PSMB5: variants seen among roughly 807,000 people sequenced by gnomAD.
PSMB5 encodes proteasome subunit beta type-5.
Under a neutral mutation model 22.8 loss-of-function variants are expected in PSMB5, and 2 were observed. The observed-to-expected ratio is 0.09, with a 90% CI of 0.04 to 0.28. The LOEUF (loss-of-function observed/expected upper bound fraction) is 0.28. Ranked by LOEUF, PSMB5 falls within the 10% of genes least tolerant of loss-of-function variation. The pLI is 1.00. For synonymous variants in PSMB5, 133 were observed against 135.3 expected (o/e 0.98, Z 0.12); for missense variants, 269 against 343.8 (o/e 0.78, Z 1.72).
At chr14:23,031,114 G>A (rs2046949937) in intron 2 of PSMB5, among the ~76,000 whole-genome samples, 1 of 152,110 alleles carries the variant, frequency 6.6e-6, no homozygotes, top group Non-Finnish European at 1.5e-5. Context: ...CACAATGAAT[G>A]GGACAGGGTC....
Position 23,033,982 on chromosome 14 carries a change from G to A in PSMB5, c.199-308C>T, listed in dbSNP as rs371349273. Among the ~76,000 whole-genome samples, 12 of 152,230 alleles carry A rather than the reference G, an allele frequency of 7.9e-5. No individual in the cohort carries two copies. The East Asian group carries it at 2.3e-3, about 29-fold the overall frequency. ...GGCCAGGTGCTGGAGACCAGCCTGGGCAACACAGGGAGATCCATCTCTACA... is the reference window on the plus strand; with the variant it reads ...GGCCAGGTGCTGGAGACCAGCCTGGACAACACAGGGAGATCCATCTCTACA... On this transcript the variant is annotated intron_variant, in intron 1 of 2. Coordinates refer to ENST00000361611, the MANE Select transcript of PSMB5 (RefSeq NM_002797.5).
rs1301699863 is a variant in PSMB5, at chr14:23,025,890, A to C, written c.*199T>G. ...GAGTAGTGTAATGTTAACATCCAAG[A>C]AAGTAAAACAAATAGTCACCTCTGC... is the stretch of plus-strand genomic sequence containing the variant. On this transcript the variant is annotated 3_prime_UTR_variant, in exon 3 of 3. Coordinates refer to ENST00000361611, the MANE Select transcript of PSMB5 (RefSeq NM_002797.5). 7.0e-7 allele frequency: 1 copy of C among 1,425,464 alleles called. No homozygotes were observed. 88.3% of individuals were successfully genotyped at this position (1,425,464 alleles called of 1,614,324 possible). A position where few individuals can be genotyped will look rare whatever the true frequency, so the allele number is the denominator to read the frequency against.
At chr14:23,028,097 C>A (rs1164379507) in intron 2 of PSMB5, among the ~76,000 whole-genome samples, 3 of 152,124 alleles carry the variant, frequency 2.0e-5, no homozygotes, top group African/African-American at 7.2e-5. Flanking sequence ...GAGCCGAGAT[C>A]GCACCACTGC....
At chr14:23,026,471 TG>T (rs2046914639) in intron 2 of PSMB5, 96 bp from the exon 3 acceptor site, 8 of 1,493,236 alleles carry the variant, frequency 5.4e-6, no homozygotes, top group Non-Finnish European at 5.3e-6. Flanking sequence ...TTTTTTGAGA[TG>T]GAGTTTTGCT....
chr14:23,031,940 T>C (rs1566715428), intron 2 of PSMB5, among the ~76,000 whole-genome samples: 1 of 151,224 alleles, frequency 6.6e-6, no homozygotes, highest in Non-Finnish European at 1.5e-5. Context: ...AATACAAAAA[T>C]TAGACGCGCA....
intron 1 of PSMB5, among the ~76,000 whole-genome samples, chr14:23,034,136 A>C (rs1057366871): frequency 3.9e-4 from 59 of 152,116 alleles, no homozygotes; most frequent in Admixed American, 1.6e-3. Flanking sequence ...AAAAAAAAAA[A>C]AAAAACAAAT....
intron 2 of PSMB5, among the ~76,000 whole-genome samples, chr14:23,031,190 T>C (rs2046950358): frequency 6.6e-6 from 1 of 152,194 alleles, no homozygotes; most frequent in Non-Finnish European, 1.5e-5. Flanking sequence ...TTTTCCTTGT[T>C]ACCCGGTCCC....
intron 2 of PSMB5, 90 bp downstream of exon 2, chr14:23,033,278 T>C (rs2046966992): frequency 4.4e-6 from 6 of 1,359,710 alleles, no homozygotes; most frequent in Admixed American, 4.0e-5. Flanking sequence ...TTCTTCAGCA[T>C]TGACACCAAG....
At chr14:23,026,501 G>T in intron 2 of PSMB5, 126 bp from the exon 3 acceptor site, 1 of 1,311,106 alleles carries the variant, frequency 7.6e-7, no homozygotes, top group Non-Finnish European at 1.0e-6. Flanking sequence ...CCAAGCTAGA[G>T]TGCAATGGCG....
At position 23,027,742 on chromosome 14, in the gene PSMB5, T is replaced by C. The variant is rs904811008; in HGVS notation, c.506-1367A>G. On this transcript the variant is annotated intron_variant, in intron 2 of 2. Transcript: ENST00000361611. ...CCATCTCACCTTATATTATAATAAC[T>C]ACCTTGCCATGTTGCCGATCCTCTC... The C allele has an allele frequency of 6.5e-6, 10 of 1,539,574 alleles. No individual in the cohort carries two copies. The Admixed American group carries it at 2.0e-4, about 30-fold the overall frequency.
intron 2 of PSMB5, 130 bp from the exon 3 acceptor site, chr14:23,026,505 A>G (rs2046914744): frequency 3.1e-6 from 4 of 1,291,060 alleles, no homozygotes; most frequent in Non-Finnish European, 4.2e-6. Flanking sequence ...GCTAGAGTGC[A>G]ATGGCGCAAT....
chr14:23,033,250 C>T, intron 2 of PSMB5, 118 bp downstream of exon 2: 1 of 1,063,638 alleles, frequency 9.4e-7, no homozygotes, highest in Non-Finnish European at 1.4e-6. Context: ...GAAGGAAGGG[C>T]TAAGGACCTA....
In PSMB5 at chr14:23,025,960, G is replaced by A; in HGVS notation, c.*129C>T. ...GTAACACATAGAGGTCAATGTGCCA[G>A]AGCTTAAAAAAAAGTACTGATACAA... On this transcript the variant is annotated 3_prime_UTR_variant, in exon 3 of 3. Coordinates refer to ENST00000361611, the MANE Select transcript of PSMB5 (RefSeq NM_002797.5). 1 of 1,512,786 alleles carries A rather than the reference G, an allele frequency of 6.6e-7. No homozygotes were observed. Among genetic ancestry groups the A allele is most frequent in the African/African-American group, 1.4e-5 (1 of 72,122 alleles). 93.7% of individuals were successfully genotyped at this position (1,512,786 alleles called of 1,614,324 possible). A position where few individuals can be genotyped will look rare whatever the true frequency, so the allele number is the denominator to read the frequency against.
At chr14:23,032,970 G>A (rs551424909) in intron 2 of PSMB5, among the ~76,000 whole-genome samples, 6 of 139,270 alleles carry the variant, frequency 4.3e-5, no homozygotes, top group East Asian at 4.5e-4. Context: ...GCAGTGGCGC[G>A]ATCTCTGCTC....
At chr14:23,026,464 T>G in intron 2 of PSMB5, 89 bp from the exon 3 acceptor site, 1 of 1,512,802 alleles carries the variant, frequency 6.6e-7, no homozygotes, top group African/African-American at 1.4e-5. Flanking sequence ...GTTCTTTTTT[T>G]TTGAGATGGA....
intron 2 of PSMB5, 26 bp from the exon 3 acceptor site, chr14:23,026,401 G>C: frequency 8.4e-7 from 1 of 1,193,886 alleles, no homozygotes; most frequent in Non-Finnish European, 1.1e-6. Context: ...AGGTTAGCAG[G>C]AAAAAAAAAA....
chr14:23,026,032 T>C lies in PSMB5; in HGVS notation c.*57A>G. ...ATAGGATGGAGGATGGGTCACTGTG[T>C]CCGTATTACCAATGACAGTCACCCC... is the stretch of plus-strand genomic sequence containing the variant. On this transcript the variant is annotated 3_prime_UTR_variant, in exon 3 of 3. Transcript: ENST00000361611. 6.3e-7 allele frequency: 1 copy of C among 1,590,380 alleles called. No homozygotes were observed. Among genetic ancestry groups the C allele is most frequent in the Non-Finnish European group, 8.6e-7 (1 of 1,166,162 alleles).
chr14:23,028,092 G>A (rs887793613), intron 2 of PSMB5, among the ~76,000 whole-genome samples: 1 of 152,012 alleles, frequency 6.6e-6, no homozygotes, highest in Non-Finnish European at 1.5e-5. Flanking sequence ...GCAGTGAGCC[G>A]AGATCGCACC....
At chr14:23,030,421 G>A (rs1236233015) in intron 2 of PSMB5, among the ~76,000 whole-genome samples, 9 of 151,746 alleles carry the variant, frequency 5.9e-5, no homozygotes, top group African/African-American at 9.7e-5. Flanking sequence ...TCCGGGAGGC[G>A]GAGCTTGCAG....
Sources: gnomAD v4.1 joint callset for allele counts (sites outside exome capture counted in the v4.1 genomes callset) on GRCh38, gnomAD v4.1.1 for gene constraint, MANE v1.5 for transcripts, NCBI Gene and HGNC (gene_info 2026-07-23, HGNC 2026-07-21) for gene names.